FYTTD1: variants seen among roughly 807,000 people sequenced by gnomAD.
FYTTD1 encodes the protein forty-two-three domain containing 1, also known as UAP56-interacting factor.
A neutral mutation model predicts 40.9 loss-of-function variants in FYTTD1; 22 were observed. That is an observed-to-expected ratio of 0.54 (90% CI 0.38 to 0.77). The LOEUF (loss-of-function observed/expected upper bound fraction) is 0.77. Ranked by LOEUF, FYTTD1 falls within the 30% of genes least tolerant of loss-of-function variation. FYTTD1 has a pLI of 0.00. For missense variants in FYTTD1, 351 were observed against 392.2 expected, an observed-to-expected ratio of 0.90 and a Z score of 0.89; for synonymous variants, 140 against 137.9, an observed-to-expected ratio of 1.01 and a Z score of -0.10.
intron 4 of FYTTD1, among the ~76,000 whole-genome samples, chr3:197,772,815 C>G (rs1022359903): frequency 1.3e-5 from 2 of 152,032 alleles, no homozygotes; most frequent in East Asian, 3.8e-4. Context: ...TACCATGTTA[C>G]CCAGGCTGGT....
intron 4 of FYTTD1, among the ~76,000 whole-genome samples, chr3:197,770,548 T>C (rs75581486): frequency 1.9e-4 from 29 of 152,330 alleles, no homozygotes; most frequent in African/African-American, 5.1e-4. Context: ...CTCTTTTTTT[T>C]CTCCCTGTTT....
chr3:197,754,209 AAT>A (rs1236826430), intron 1 of FYTTD1, among the ~76,000 whole-genome samples: 1 of 152,138 alleles, frequency 6.6e-6, no homozygotes, highest in African/African-American at 2.4e-5. Flanking sequence ...GTGTCTCATA[AAT>A]AGTGTCTTCC....
At chr3:197,750,741 C>T (rs541906439) in intron 1 of FYTTD1, 3 of 985,522 alleles carry the variant, frequency 3.0e-6, no homozygotes, top group East Asian at 1.1e-4. Flanking sequence ...GTCTCCCTCT[C>T]CAGGCCTCAG....
At chr3:197,760,081 C>T (rs143457460) in intron 2 of FYTTD1, among the ~76,000 whole-genome samples, 102 of 148,382 alleles carry the variant, frequency 6.9e-4, no homozygotes, top group African/African-American at 2.4e-3. Context: ...AGTGGTAGAA[C>T]GTATAGAATG....
intron 2 of FYTTD1, among the ~76,000 whole-genome samples, chr3:197,765,141 C>T (rs757304519): frequency 1.3e-5 from 2 of 152,184 alleles, no homozygotes; most frequent in Non-Finnish European, 2.9e-5. Context: ...GCGTGAGCCA[C>T]GGTACCCAAC....
rs1460421528 is a variant in FYTTD1 at position 197,786,952 on chromosome 3, C to A, written c.*5043C>A. On this transcript the variant is annotated 3_prime_UTR_variant, in exon 9 of 9. Transcript: ENST00000241502. ...TAGGTGGGATTACAAGCTTGAGCCA[C>A]CACAGCCAACTAATTTTTGTGTTTT... is the stretch of plus-strand genomic sequence containing the variant. 1 of 151,798 alleles carries A rather than the reference C, an allele frequency of 6.6e-6. No individual in the cohort carries two copies. The highest frequency in any genetic ancestry group is 1.5e-5 in the Non-Finnish European group (1 of 67,988). 9.4% of individuals were successfully genotyped at this position (151,798 alleles called of 1,614,324 possible).
At chr3:197,777,940 G>A (rs541966369) in intron 7 of FYTTD1, among the ~76,000 whole-genome samples, 3 of 151,714 alleles carry the variant, frequency 2.0e-5, no homozygotes, top group Admixed American at 1.3e-4. Context: ...TCTAACCCCT[G>A]GCCTCAAGCG....
At position 197,786,664 on chromosome 3, in the gene FYTTD1, T is replaced by A. The variant is rs1400216634; in HGVS notation, c.*4755T>A. On this transcript the variant is annotated 3_prime_UTR_variant, in exon 9 of 9. Coordinates refer to ENST00000241502, the MANE Select transcript of FYTTD1 (RefSeq NM_032288.7). Reference sequence around the variant, plus strand: ...GTTTAAAAAAGTTAATTATTAGGACTTGTTTTTAAAGGAGTAAGCAATGGA... The same window carrying A: ...GTTTAAAAAAGTTAATTATTAGGACATGTTTTTAAAGGAGTAAGCAATGGA... 40 of 152,226 alleles carry A rather than the reference T, an allele frequency of 2.6e-4. No homozygotes were observed. Among genetic ancestry groups the A allele is most frequent in the Admixed American group, 2.6e-3 (39 of 15,276 alleles). 9.4% of individuals were successfully genotyped at this position (152,226 alleles called of 1,614,324 possible).
chr3:197,773,638 C>T, intron 5 of FYTTD1, 139 bp downstream of exon 5: 1 of 571,050 alleles, frequency 1.8e-6, no homozygotes, highest in Non-Finnish European at 3.1e-6. Context: ...TAGATTAGTT[C>T]TTCCTGTTGT....
intron 1 of FYTTD1, among the ~76,000 whole-genome samples, chr3:197,753,816 C>A (rs1186628914): frequency 1.3e-5 from 2 of 152,138 alleles, no homozygotes; most frequent in South Asian, 4.2e-4. Flanking sequence ...AGTGCAGTGG[C>A]ACGATCTCGG....
intron 4 of FYTTD1, among the ~76,000 whole-genome samples, chr3:197,772,431 A>G (rs9682683): frequency 0.027 from 4,134 of 152,322 alleles, 163 homozygotes; most frequent in African/African-American, 0.093. Flanking sequence ...CTAACTTCCT[A>G]TAGAAAACAA....
At chr3:197,772,867 C>T (rs543622464) in intron 4 of FYTTD1, among the ~76,000 whole-genome samples, 7 of 152,138 alleles carry the variant, frequency 4.6e-5, no homozygotes, top group Non-Finnish European at 1.0e-4. Context: ...CCTCAACCTC[C>T]CAAAGTGCTG....
chr3:197,781,142 T>A (rs1009019903), intron 8 of FYTTD1, among the ~76,000 whole-genome samples: 1 of 151,630 alleles, frequency 6.6e-6, no homozygotes, highest in African/African-American at 2.4e-5. Flanking sequence ...GGAAAAACCC[T>A]GTCTCCACTA....
chr3:197,754,564 G>C (rs1729156594), intron 1 of FYTTD1, among the ~76,000 whole-genome samples: 1 of 150,830 alleles, frequency 6.6e-6, no homozygotes, highest in Non-Finnish European at 1.5e-5. Context: ...TTAAGAATTT[G>C]TTGACTGTAT....
At chr3:197,774,267 C>A in intron 6 of FYTTD1, 57 bp downstream of exon 6, 1 of 1,345,532 alleles carries the variant, frequency 7.4e-7, no homozygotes, top group Non-Finnish European at 1.1e-6. Flanking sequence ...ATACTAACTA[C>A]CCAAATTATC....
chr3:197,750,650 C>T (rs938539630), intron 1 of FYTTD1: 18 of 985,296 alleles, frequency 1.8e-5, no homozygotes, highest in East Asian at 2.3e-4. Flanking sequence ...GCCGCGGCCC[C>T]GGAGCGTCTG....
At chr3:197,770,832 C>T (rs1381819611) in intron 4 of FYTTD1, among the ~76,000 whole-genome samples, 31 of 152,138 alleles carry the variant, frequency 2.0e-4, no homozygotes, top group African/African-American at 2.4e-5. Context: ...TACGGGCATG[C>T]GCCCCTGTGC....
intron 2 of FYTTD1, among the ~76,000 whole-genome samples, chr3:197,761,733 G>A (rs534494881): frequency 1.3e-5 from 2 of 152,218 alleles, no homozygotes; most frequent in African/African-American, 4.8e-5. Context: ...GTACTAAGGC[G>A]TTAATTGTAT....
At chr3:197,756,583 G>A in intron 2 of FYTTD1, 26 bp downstream of exon 2, 2 of 1,596,488 alleles carry the variant, frequency 1.3e-6, no homozygotes, top group Non-Finnish European at 1.7e-6. Flanking sequence ...AAGCTTTAAT[G>A]GAAAGCTGTT....
Sources: allele counts gnomAD v4.1 joint callset (sites outside exome capture counted in the v4.1 genomes callset), GRCh38; gene constraint gnomAD v4.1.1; transcripts MANE v1.5; gene names NCBI Gene and HGNC (gene_info 2026-07-23, HGNC 2026-07-21).